The following ADGRB3 variants were observed in gnomAD, a reference collection of about 807,000 sequenced individuals.
ADGRB3 encodes the protein adhesion G protein-coupled receptor B3, also known as brain-specific angiogenesis inhibitor 3.
A neutral mutation model predicts 193.4 loss-of-function variants in ADGRB3; 37 were observed. The ratio of observed to expected loss-of-function variants is 0.19; its 90% CI spans 0.15 to 0.25. The LOEUF (loss-of-function observed/expected upper bound fraction) is 0.25, where lower values mean the gene tolerates loss of function less well. ADGRB3 is among the 10% of genes least tolerant of loss of function. ADGRB3 has a pLI of 1.00. For synonymous variants in ADGRB3, 690 were observed against 644.2 expected (o/e 1.07, Z -1.08); for missense variants, 1,637 against 1,852.9 (o/e 0.88, Z 2.14).
Position 69,257,788 on chromosome 6 carries a change from C to T in ADGRB3, c.2814+18562C>T, listed in dbSNP as rs143717714. Among the ~76,000 whole-genome samples, 387 of 152,272 alleles carry T rather than the reference C, an allele frequency of 2.5e-3. 4 individuals are homozygous for T. Among genetic ancestry groups the T allele is most frequent in the African/African-American group, 9.1e-3 (376 of 41,542 alleles). ...GAAGTGTGTTTTCAGTGCAGATTCTCCCCTGGATACCCACTTGTAATTTCT... is the reference window on the plus strand; with the variant it reads ...GAAGTGTGTTTTCAGTGCAGATTCTTCCCTGGATACCCACTTGTAATTTCT... On this transcript the variant is annotated intron_variant, in intron 20 of 31. Transcript: ENST00000370598.
chr6:68,856,314 C>G (rs972007169), intron 3 of ADGRB3, among the ~76,000 whole-genome samples: 1 of 152,174 alleles, frequency 6.6e-6, no homozygotes, highest in African/African-American at 2.4e-5. Flanking sequence ...AACTGGGTAA[C>G]AGGCATAGGT....
At chr6:69,325,956 C>T (rs952361004) in intron 21 of ADGRB3, among the ~76,000 whole-genome samples, 3 of 152,178 alleles carry the variant, frequency 2.0e-5, no homozygotes, top group African/African-American at 4.8e-5. Context: ...GTAATCCTAG[C>T]ACTTTGGGAA....
chr6:69,039,742 CTTT>C (rs34543678), intron 13 of ADGRB3, among the ~76,000 whole-genome samples: 1 of 130,224 alleles, frequency 7.7e-6, no homozygotes. Context: ...TTGTTTTTTT[CTTT>C]TTTTTTTTTT....
At chr6:69,378,234 C>T (rs1235024364) in intron 30 of ADGRB3, among the ~76,000 whole-genome samples, 1 of 152,006 alleles carries the variant, frequency 6.6e-6, no homozygotes, top group Non-Finnish European at 1.5e-5. Flanking sequence ...ATCCATGGAG[C>T]TTATGGGCTC....
At chr6:68,927,518 A>T (rs1360530763) in intron 3 of ADGRB3, among the ~76,000 whole-genome samples, 1 of 152,168 alleles carries the variant, frequency 6.6e-6, no homozygotes, top group Non-Finnish European at 1.5e-5. Context: ...AAATGTTTTT[A>T]AAATACCCCA....
At chr6:68,833,892 C>T (rs1768000227) in intron 3 of ADGRB3, among the ~76,000 whole-genome samples, 1 of 150,798 alleles carries the variant, frequency 6.6e-6, no homozygotes, top group Non-Finnish European at 1.5e-5. Flanking sequence ...AATTTGTTTG[C>T]TGTGATAATC....
chr6:68,680,530 AAC>A (rs1376522145), intron 3 of ADGRB3, among the ~76,000 whole-genome samples: 1 of 152,112 alleles, frequency 6.6e-6, no homozygotes, highest in Non-Finnish European at 1.5e-5. Context: ...AGAGCTGGTT[AAC>A]CTTGCTGAGA....
At chr6:69,165,701 T>C (rs891963141) in intron 17 of ADGRB3, among the ~76,000 whole-genome samples, 2 of 152,092 alleles carry the variant, frequency 1.3e-5, no homozygotes, top group Non-Finnish European at 2.9e-5. Context: ...TTTTATAGTT[T>C]ACTCACCTGT....
At chr6:68,652,600 TA>T (rs1320643239) in intron 3 of ADGRB3, among the ~76,000 whole-genome samples, 1 of 152,204 alleles carries the variant, frequency 6.6e-6, no homozygotes, top group African/African-American at 2.4e-5. Context: ...TTTAATTAGA[TA>T]AATATGAATA....
chr6:68,787,622 G>A (rs932487784), intron 3 of ADGRB3, among the ~76,000 whole-genome samples: 2 of 151,880 alleles, frequency 1.3e-5, no homozygotes, highest in East Asian at 3.9e-4. Context: ...TCTGTTTTTT[G>A]GTTGTGTCTC....
intron 3 of ADGRB3, among the ~76,000 whole-genome samples, chr6:68,928,194 A>G (rs1294653763): frequency 6.6e-6 from 1 of 152,172 alleles, no homozygotes; most frequent in Non-Finnish European, 1.5e-5. Flanking sequence ...CTTGTTTTAA[A>G]CTTAAGAAAG....
intron 20 of ADGRB3, among the ~76,000 whole-genome samples, chr6:69,264,801 T>C (rs970615817): frequency 2.0e-5 from 3 of 151,930 alleles, no homozygotes; most frequent in Admixed American, 6.6e-5. Context: ...AAAAAGTGTA[T>C]CTATTTGTCT....
intron 3 of ADGRB3, among the ~76,000 whole-genome samples, chr6:68,677,607 T>C (rs558021768): frequency 1.4e-5 from 2 of 147,162 alleles, no homozygotes; most frequent in South Asian, 4.5e-4. Context: ...AACCTCTGCC[T>C]CCTAGGTTCA....
At chr6:69,333,595 C>T (rs1409086182) in intron 24 of ADGRB3, among the ~76,000 whole-genome samples, 2 of 151,642 alleles carry the variant, frequency 1.3e-5, no homozygotes, top group African/African-American at 4.8e-5. Context: ...TTTAGAAAAG[C>T]ATCTCCTTTA....
chr6:68,889,830 T>TG (rs1214555224), intron 3 of ADGRB3, among the ~76,000 whole-genome samples: 2 of 152,286 alleles, frequency 1.3e-5, no homozygotes, highest in East Asian at 3.9e-4. Flanking sequence ...CGAGCAATAG[T>TG]GACCACAGAG....
chr6:68,940,708 A>G (rs1193897388), intron 5 of ADGRB3, among the ~76,000 whole-genome samples: 1 of 151,846 alleles, frequency 6.6e-6, no homozygotes, highest in Non-Finnish European at 1.5e-5. Context: ...CCTGGCTAAC[A>G]TGGTGAAACC....
chr6:68,785,867 T>A (rs999373337), intron 3 of ADGRB3, among the ~76,000 whole-genome samples: 1 of 152,210 alleles, frequency 6.6e-6, no homozygotes, highest in Non-Finnish European at 1.5e-5. Context: ...TGTGAGATGG[T>A]ATCTCATTGT....
intron 17 of ADGRB3, among the ~76,000 whole-genome samples, chr6:69,202,371 T>C (rs1267532426): frequency 1.3e-5 from 2 of 152,150 alleles, no homozygotes; most frequent in Admixed American, 6.6e-5. Flanking sequence ...TTTCCTCTTA[T>C]ATTTAGGGCA....
intron 3 of ADGRB3, among the ~76,000 whole-genome samples, chr6:68,752,298 C>T (rs1215490983): frequency 7.8e-6 from 1 of 127,498 alleles, no homozygotes; most frequent in Non-Finnish European, 1.6e-5. Flanking sequence ...TTTTTTGAGA[C>T]AGAATTTTGC....
Sources: allele counts gnomAD v4.1 joint callset (sites outside exome capture counted in the v4.1 genomes callset), GRCh38; gene constraint gnomAD v4.1.1; transcripts MANE v1.5; gene names NCBI Gene and HGNC (gene_info 2026-07-23, HGNC 2026-07-21).